SPATA6L: variants seen among roughly 807,000 people sequenced by gnomAD.
SPATA6L encodes the protein spermatogenesis associated 6 like, also known as spermatogenesis associated 6-like protein.
In SPATA6L, 68 loss-of-function variants were observed where a neutral mutation model predicts 49.2. The ratio of observed to expected loss-of-function variants is 1.38; its 90% CI spans 1.14 to 1.69. SPATA6L has a LOEUF of 1.69. Among genes scored for constraint, SPATA6L ranks in the 40% most tolerant of loss-of-function variants. The pLI, the probability that SPATA6L is intolerant of heterozygous loss-of-function variation, is 0.00. For synonymous variants in SPATA6L, 198 were observed against 165.7 expected, an observed-to-expected ratio of 1.19 and a Z score of -1.50; for missense variants, 668 against 464.3, an observed-to-expected ratio of 1.44 and a Z score of -4.03.
At chr9:4,643,426 G>T (rs768758600) in intron 3 of SPATA6L, among the ~76,000 whole-genome samples, 7 of 152,116 alleles carry the variant, frequency 4.6e-5, no homozygotes, top group Non-Finnish European at 1.0e-4. Context: ...GTTTACCCCA[G>T]TTTAAAAGGC....
rs1830602962 is a variant in SPATA6L, at chr9:4,627,697, G to A, written c.429+1394C>T. On this transcript the variant is annotated intron_variant, in intron 5 of 11. Coordinates refer to ENST00000682582, the MANE Select transcript of SPATA6L (RefSeq NM_001353486.2). ...GAGGGAGGCAGACACTAGGACTGAA[G>A]AAGCAAGTAAAATTGAGGTAGTACA... 3.1e-6 allele frequency: 4 copies of A among 1,279,242 alleles called. No individual in the cohort carries two copies. In the East Asian group the frequency reaches 1.7e-4, roughly 53 times the overall value. The allele number at this position is 1,279,242 out of a possible 1,614,324, so 79.2% of individuals were successfully genotyped here. A position where few individuals can be genotyped will look rare whatever the true frequency, so the allele number is the denominator to read the frequency against.
chr9:4,648,592 C>T (rs1358742032), intron 3 of SPATA6L, among the ~76,000 whole-genome samples: 13 of 151,580 alleles, frequency 8.6e-5, no homozygotes, highest in Admixed American at 5.3e-4. Context: ...CCCAGCTACG[C>T]GGGAGGCTGA....
chr9:4,623,470 G>GT (rs1013853434), intron 6 of SPATA6L, among the ~76,000 whole-genome samples: 16 of 151,832 alleles, frequency 1.1e-4, no homozygotes, highest in Non-Finnish European at 1.2e-4. Context: ...TTTACTTTCT[G>GT]TTTTTTAACA....
rs546710123 is a variant in SPATA6L, at chr9:4,607,171, G to C, written c.996-1731C>G. ...AAAAGACCAAATCTACGTCTGATTG[G>C]TATACCTGAAAGTGACGGGGAGAAT... is the stretch of plus-strand genomic sequence containing the variant. On this transcript the variant is annotated intron_variant, in intron 9 of 11. Transcript: ENST00000682582. Among the ~76,000 whole-genome samples, 4 of 152,220 alleles carry C rather than the reference G, an allele frequency of 2.6e-5. No individual in the cohort carries two copies. In the East Asian group the frequency reaches 7.7e-4, roughly 29 times the overall value.
chr9:4,651,576 A>G (rs1347248400), intron 3 of SPATA6L, among the ~76,000 whole-genome samples: 1 of 152,232 alleles, frequency 6.6e-6, no homozygotes, highest in African/African-American at 2.4e-5. Flanking sequence ...TTATGATTGT[A>G]AATCCCAAAA....
chr9:4,608,999 C>T (rs930716264), intron 9 of SPATA6L, among the ~76,000 whole-genome samples: 10 of 151,660 alleles, frequency 6.6e-5, no homozygotes, highest in African/African-American at 2.4e-4. Flanking sequence ...AAACTACCAT[C>T]AGAGAATACT....
Position 4,662,410 on chromosome 9 carries a change from C to A in SPATA6L, c.40-374G>T, listed in dbSNP as rs760841863. On this transcript the variant is annotated intron_variant, in intron 1 of 11. Coordinates refer to ENST00000682582, the MANE Select transcript of SPATA6L (RefSeq NM_001353486.2). This position sits in a 1 kb window ranked among gnomAD's most constrained non-coding sequence, Gnocchi z 4.9. ...CCCCGGAGGAGCATGGAGGGACGGC[C>A]GCTGGGCGTCTCCGCTTCGAGCAGC... 2 of 1,536,206 alleles carry A rather than the reference C, an allele frequency of 1.3e-6. No individual in the cohort carries two copies. Among genetic ancestry groups the A allele is most frequent in the African/African-American group, 1.4e-5 (1 of 72,696 alleles).
chr9:4,596,876 G>A (rs564718546), downstream of SPATA6L, among the ~76,000 whole-genome samples: 101 of 152,284 alleles, frequency 6.6e-4, no homozygotes, highest in African/African-American at 2.2e-3. Flanking sequence ...TGGCTCTGAC[G>A]CTTGCTTTTC....
rs1292972551 is a variant in SPATA6L at position 4,639,884 on chromosome 9, T to A, written c.227-4485A>T. ...TCACATTTGATTCCCTCTTTACAGA[T>A]AAGGAAACTGAGGCTCTGAGAGTTT... On this transcript the variant is annotated intron_variant, in intron 3 of 11. Coordinates refer to ENST00000682582, the MANE Select transcript of SPATA6L (RefSeq NM_001353486.2). Among the ~76,000 whole-genome samples, 4 of 152,308 alleles carry A rather than the reference T, an allele frequency of 2.6e-5. No homozygotes were observed. In the East Asian group the frequency reaches 7.7e-4, roughly 29 times the overall value.
intron 9 of SPATA6L, among the ~76,000 whole-genome samples, chr9:4,617,066 C>T (rs536885756): frequency 2.0e-5 from 3 of 152,204 alleles, no homozygotes; most frequent in South Asian, 4.1e-4. Context: ...AAGGGATTGC[C>T]ACTTTCTTAG....
chr9:4,592,776 C>T (rs1309344988), intron 13 of SPATA6L, among the ~76,000 whole-genome samples: 1 of 152,082 alleles, frequency 6.6e-6, no homozygotes, highest in Non-Finnish European at 1.5e-5. Context: ...CTTATCATAT[C>T]CCCCAAAATA....
intron 2 of SPATA6L, 29 bp downstream of exon 2, chr9:4,661,870 A>C (rs752211236): frequency 6.2e-6 from 10 of 1,611,458 alleles, no homozygotes; most frequent in Non-Finnish European, 7.6e-6. Flanking sequence ...TCTTCAGACA[A>C]CAAAAGCCAA....
At chr9:4,617,139 T>C (rs930951806) in intron 9 of SPATA6L, among the ~76,000 whole-genome samples, 2 of 152,208 alleles carry the variant, frequency 1.3e-5, no homozygotes, top group African/African-American at 4.8e-5. Context: ...CTGGGATATA[T>C]TTACTCTGAG....
downstream of SPATA6L, among the ~76,000 whole-genome samples, chr9:4,594,287 G>C (rs893831786): frequency 6.6e-6 from 1 of 152,184 alleles, no homozygotes; most frequent in Non-Finnish European, 1.5e-5. Context: ...TCAGCTCACT[G>C]CAAGCTCTGC....
intron 13 of SPATA6L, among the ~76,000 whole-genome samples, chr9:4,591,424 C>A (rs1043790871): frequency 1.3e-5 from 2 of 152,084 alleles, no homozygotes; most frequent in Non-Finnish European, 2.9e-5. Context: ...TTATCCTGTC[C>A]GGGTCTTTAG....
chr9:4,594,841 G>A (rs1329253799), downstream of SPATA6L, among the ~76,000 whole-genome samples: 1 of 151,804 alleles, frequency 6.6e-6, no homozygotes, highest in South Asian at 2.1e-4. Flanking sequence ...ACAACCATAA[G>A]GCCTTCACGA....
At chr9:4,637,964 A>G (rs955159614) in intron 3 of SPATA6L, among the ~76,000 whole-genome samples, 3 of 152,158 alleles carry the variant, frequency 2.0e-5, no homozygotes, top group African/African-American at 7.2e-5. Context: ...ATTTATTTTC[A>G]TTCATACATT....
intron 3 of SPATA6L, among the ~76,000 whole-genome samples, chr9:4,650,322 G>A (rs1023328833): frequency 1.3e-5 from 2 of 152,044 alleles, no homozygotes; most frequent in Admixed American, 6.6e-5. Flanking sequence ...TTTCAACTGA[G>A]TAACATCTCA....
intron 4 of SPATA6L, 104 bp downstream of exon 4, chr9:4,635,171 A>C: frequency 8.0e-7 from 1 of 1,250,392 alleles, no homozygotes; most frequent in Non-Finnish European, 1.1e-6. Context: ...ACAGAACAGC[A>C]GGGGTACTAA....
Sources: allele counts gnomAD v4.1 joint callset (sites outside exome capture counted in the v4.1 genomes callset), GRCh38; gene constraint gnomAD v4.1.1; non-coding constraint Gnocchi (gnomAD v3.1); transcripts MANE v1.5; gene names NCBI Gene and HGNC (gene_info 2026-07-23, HGNC 2026-07-21).